Variants in MAGI3 observed in about 807,000 individuals in gnomAD.
The protein encoded by MAGI3 is membrane-associated guanylate kinase, WW and PDZ domain-containing protein 3.
Under a neutral mutation model 121.8 loss-of-function variants are expected in MAGI3, and 43 were observed. The observed-to-expected ratio is 0.35, with a 90% CI of 0.28 to 0.46. The LOEUF (loss-of-function observed/expected upper bound fraction) is 0.46. Ranked by LOEUF, MAGI3 falls within the 20% of genes least tolerant of loss-of-function variation. The probability of loss-of-function intolerance (pLI) is 1.00; values close to 1 mark genes in which losing one functional copy is unlikely to be tolerated. For missense variants in MAGI3, 1,547 were observed against 1,797.3 expected, an observed-to-expected ratio of 0.86 and a Z score of 2.52; for synonymous variants, 553 against 639.3, an observed-to-expected ratio of 0.86 and a Z score of 2.04.
At chr1:113,595,270 T>G (rs1039152708) in intron 6 of MAGI3, among the ~76,000 whole-genome samples, 5 of 152,050 alleles carry the variant, frequency 3.3e-5, no homozygotes, top group African/African-American at 1.2e-4. Context: ...GCTACTGCAC[T>G]CCAGCCTGGG....
At chr1:113,615,972 C>T (rs1282847021) in intron 7 of MAGI3, among the ~76,000 whole-genome samples, 1 of 152,030 alleles carries the variant, frequency 6.6e-6, no homozygotes, top group Non-Finnish European at 1.5e-5. Flanking sequence ...TTAAATTGGG[C>T]TCTAATCAGC....
chr1:113,583,294 C>G (rs1648147184), intron 3 of MAGI3, among the ~76,000 whole-genome samples: 1 of 151,096 alleles, frequency 6.6e-6, no homozygotes, highest in African/African-American at 2.4e-5. Flanking sequence ...ATCCCTCCCC[C>G]CAGATCTAAT....
At chr1:113,618,687 G>A in intron 7 of MAGI3, 1 of 301,600 alleles carries the variant, frequency 3.3e-6, no homozygotes, top group South Asian at 2.7e-5. Flanking sequence ...TGTATTTTTA[G>A]TAGAGATGGG....
chr1:113,444,722 A>G (rs1490670284), intron 1 of MAGI3, among the ~76,000 whole-genome samples: 2 of 152,232 alleles, frequency 1.3e-5, no homozygotes, highest in African/African-American at 2.4e-5. Flanking sequence ...ACAGAAAAGT[A>G]TGGCTCATTC....
intron 1 of MAGI3, among the ~76,000 whole-genome samples, chr1:113,409,092 A>G (rs1651835343): frequency 6.6e-6 from 1 of 151,986 alleles, no homozygotes. Flanking sequence ...GCATCTTTAT[A>G]CCTTTGACAA....
Position 113,584,966 on chromosome 1 carries a change from C to CAATTTTTTTTTTT in MAGI3, c.554-421_554-420insAATTTTTTTTTTT, listed in dbSNP as rs61622151. ...TCCTTTTGGCCAATGGTAGATATTT[C>CAATTTTTTTTTTT]CTTTTTTTTTTTTTTTTTTTTTTGA... is the stretch of plus-strand genomic sequence containing the variant. On this transcript the variant is annotated intron_variant, in intron 3 of 20. Coordinates refer to ENST00000307546, the MANE Select transcript of MAGI3 (RefSeq NM_001142782.2). Among the ~76,000 whole-genome samples, 6 of 110,728 alleles carry CAATTTTTTTTTTT rather than the reference C, an allele frequency of 5.4e-5. 1 individual carries two copies. The highest frequency in any genetic ancestry group is 1.0e-4 in the Admixed American group (1 of 10,014). The allele number at this position is 110,728 out of a possible 152,430, so 72.6% of individuals were successfully genotyped here. A position where few individuals can be genotyped will look rare whatever the true frequency, so the allele number is the denominator to read the frequency against.
chr1:113,425,273 ATTTT>A (rs949045641), intron 1 of MAGI3, among the ~76,000 whole-genome samples: 9 of 86,858 alleles, frequency 1.0e-4, no homozygotes, highest in Non-Finnish European at 2.0e-4. Flanking sequence ...TACAAATTCA[ATTTT>A]TTTTTTTTTT....
chr1:113,666,622 G>C (rs927461714), intron 16 of MAGI3, among the ~76,000 whole-genome samples: 2 of 152,182 alleles, frequency 1.3e-5, no homozygotes, highest in African/African-American at 4.8e-5. Flanking sequence ...ATGGGAACTA[G>C]AATCAAATTA....
intron 9 of MAGI3, among the ~76,000 whole-genome samples, chr1:113,628,743 C>G (rs1290316549): frequency 6.6e-6 from 1 of 152,178 alleles, no homozygotes; most frequent in African/African-American, 2.4e-5. Flanking sequence ...ATGCCACTCT[C>G]TCCTGCCCTG....
At chr1:113,565,694 T>G (rs940610285) in intron 2 of MAGI3, among the ~76,000 whole-genome samples, 4 of 152,230 alleles carry the variant, frequency 2.6e-5, no homozygotes, top group Non-Finnish European at 5.9e-5. Context: ...TTCTTGGAAC[T>G]CAACTTATAG....
rs149563102 is a variant in MAGI3, at chr1:113,585,562, G to C, written c.729G>C (p.Glu243Asp). Residue 243 changes from glutamate to aspartate, a missense_variant, in exon 4 of 21, where the codon GAG (glutamate) becomes GAC (aspartate). Glu to Asp is a conservative substitution (Grantham distance 45). Coordinates refer to ENST00000307546, the MANE Select transcript of MAGI3 (RefSeq NM_001142782.2). ...DSSLPEEEED[E>D]DKEAINGSGN... ...CTCTTCCTGAAGAGGAAGAAGATGAGGACAAGGAAGCTATTAATGGCAGTG... is the reference window on the plus strand; with the variant it reads ...CTCTTCCTGAAGAGGAAGAAGATGACGACAAGGAAGCTATTAATGGCAGTG... 5 of 1,613,934 alleles carry C rather than the reference G, an allele frequency of 3.1e-6. No homozygotes were observed. The highest frequency in any genetic ancestry group is 2.5e-6 in the Non-Finnish European group (3 of 1,179,986).
Position 113,547,894 on chromosome 1 carries a change from TC to T in MAGI3, c.317-1616del, listed in dbSNP as rs1659608764. On this transcript the variant is annotated intron_variant, in intron 1 of 20. Transcript: ENST00000307546. ...TCAGGTTTATTAAAATCACAAAGGC[TC>T]CCCCTTGCTCAGCATCTATTTTTAG... is the stretch of plus-strand genomic sequence containing the variant. Among the ~76,000 whole-genome samples the T allele has an allele frequency of 4.6e-5, 7 of 152,156 alleles. 1 individual carries two copies. Among genetic ancestry groups the T allele is most frequent in the Admixed American group, 4.6e-4 (7 of 15,284 alleles).
At chr1:113,670,121 GT>G (rs1026943739) in intron 16 of MAGI3, among the ~76,000 whole-genome samples, 6 of 151,632 alleles carry the variant, frequency 4.0e-5, no homozygotes, top group Non-Finnish European at 5.9e-5. Flanking sequence ...CCAGAGGTTG[GT>G]TCTGCATCTC....
At chr1:113,514,444 C>T (rs573843714) in intron 1 of MAGI3, among the ~76,000 whole-genome samples, 2 of 152,052 alleles carry the variant, frequency 1.3e-5, no homozygotes, top group East Asian at 3.9e-4. Flanking sequence ...ACTATGCAGC[C>T]ATAAAAAATG....
intron 1 of MAGI3, chr1:113,450,664 G>A (rs552141791): frequency 1.3e-5 from 13 of 1,020,434 alleles, no homozygotes; most frequent in South Asian, 6.3e-5. Context: ...GAAGAAGCTC[G>A]GGCAGTCCCT....
chr1:113,550,875 T>TC (rs1659757848), intron 2 of MAGI3, among the ~76,000 whole-genome samples: 1 of 150,960 alleles, frequency 6.6e-6, no homozygotes, highest in African/African-American at 2.4e-5. Context: ...ACTTTTTAGC[T>TC]CCCAGTGCCT....
In MAGI3 at chr1:113,585,465, A is replaced by G. The variant is rs776105270; in HGVS notation, c.632A>G (p.Asp211Gly). 3 of 1,614,172 alleles carry G rather than the reference A, an allele frequency of 1.9e-6. No homozygotes were observed. The highest frequency in any genetic ancestry group is 8.5e-7 in the Non-Finnish European group (1 of 1,180,022). ...QPDPVDQVLFDNEFDAESQRK... is the reference protein window; with the variant it reads ...QPDPVDQVLFGNEFDAESQRK... ...GATCCAGTTGATCAAGTCCTCTTTG[A>G]TAATGAGTTTGATGCAGAATCTCAA... The change falls in exon 4 of 21, where the codon GAT (aspartate) becomes GGT (glycine). Residue 211 changes from aspartate (D) to glycine (G), a missense_variant. Transcript: ENST00000307546.
intron 1 of MAGI3, among the ~76,000 whole-genome samples, chr1:113,505,516 A>AAATAAAT (rs1477595458): frequency 1.4e-5 from 2 of 139,222 alleles, no homozygotes; most frequent in Admixed American, 1.4e-4. Context: ...CCTACATAAT[A>AAATAAAT]AATAAATAAA....
At chr1:113,437,876 T>TCTTCCTCTTCC (rs1653688008) in intron 1 of MAGI3, among the ~76,000 whole-genome samples, 2 of 3,276 alleles carry the variant, frequency 6.1e-4, no homozygotes, top group Non-Finnish European at 1.1e-3. Context: ...CTTCTTCTTC[T>TCTTCCTCTTCC]TCTCCTTCTC....
Sources: allele counts gnomAD v4.1 joint callset (sites outside exome capture counted in the v4.1 genomes callset), GRCh38; gene constraint gnomAD v4.1.1; transcripts MANE v1.5; gene names NCBI Gene and HGNC (gene_info 2026-07-23, HGNC 2026-07-21).